Variants in AASDHPPT observed in about 807,000 individuals in gnomAD.
AASDHPPT encodes L-aminoadipate-semialdehyde dehydrogenase-phosphopantetheinyl transferase.
AASDHPPT carries 23 observed loss-of-function variants against 36.4 expected under a neutral mutation model. The observed-to-expected ratio is 0.63, with a 90% CI of 0.45 to 0.89. The LOEUF (loss-of-function observed/expected upper bound fraction) is 0.89. Ranked by LOEUF, AASDHPPT falls within the 40% of genes least tolerant of loss-of-function variation. The pLI, the probability that AASDHPPT is intolerant of heterozygous loss-of-function variation, is 0.00. For synonymous variants in AASDHPPT, 115 were observed against 128.0 expected (o/e 0.90, Z 0.68); for missense variants, 377 against 378.2 (o/e 1.00, Z 0.03).
intron 2 of AASDHPPT, chr11:106,086,136 T>C (rs1295394597): frequency 6.6e-6 from 1 of 152,264 alleles, no homozygotes; most frequent in Non-Finnish European, 1.5e-5. Flanking sequence ...CTTAACAAAG[T>C]ACCTCAAACA....
At chr11:106,090,827 T>C (rs2135043081) in intron 3 of AASDHPPT, 149 bp downstream of exon 3, 2 of 1,093,124 alleles carry the variant, frequency 1.8e-6, no homozygotes, top group Non-Finnish European at 2.5e-6. Flanking sequence ...TTTATGCATA[T>C]GGTATTACAT....
At chr11:106,079,282 G>A (rs560351383) in intron 1 of AASDHPPT, among the ~76,000 whole-genome samples, 185 bp from the exon 2 acceptor site, 2 of 152,062 alleles carry the variant, frequency 1.3e-5, no homozygotes, top group East Asian at 3.9e-4. Context: ...TTGCTAAGGC[G>A]GGCTTTAACT....
In AASDHPPT at chr11:106,091,393, T is replaced by G. The variant is rs1161683476; in HGVS notation, c.609T>G (p.Ser203=). The G allele has an allele frequency of 6.2e-7, 1 of 1,610,110 alleles. No homozygotes were observed. Among genetic ancestry groups the G allele is most frequent in the East Asian group, 2.2e-5 (1 of 44,534 alleles). Residue 203 remains serine, a synonymous_variant, in exon 4 of 6, where the codon TCT becomes TCG. Transcript: ENST00000278618. ...TGCAGCGGCTTGAATTTGATCTATC[T>G]CCATTAAACTTGGATATAGGCCAAG... The part of the protein sequence containing the change: ...FELQRLEFDL[S]PLNLDIGQVY...
Position 106,098,416 on chromosome 11 carries a change from T to TA in AASDHPPT, c.*1511dup, listed in dbSNP as rs1861341875. ...AGTGCATGTCTTGGAGTTAAACTCT[T>TA]AAGTATCAAGAAGTAAAATAATTTC... On this transcript the variant is annotated 3_prime_UTR_variant, in exon 6 of 6. Transcript: ENST00000278618. 6.6e-6 allele frequency: 1 copy of TA among 152,122 alleles called. No individual in the cohort carries two copies. The highest frequency in any genetic ancestry group is 2.1e-4 in the South Asian group (1 of 4,834). 9.4% of individuals were successfully genotyped at this position (152,122 alleles called of 1,614,324 possible).
intron 4 of AASDHPPT, 136 bp from the exon 5 acceptor site, chr11:106,094,447 T>C (rs948923351): frequency 1.1e-5 from 6 of 544,506 alleles, no homozygotes. Flanking sequence ...GGGAAATATA[T>C]ATATGCACGC....
intron 2 of AASDHPPT, among the ~76,000 whole-genome samples, chr11:106,081,954 A>G (rs543610876): frequency 6.6e-6 from 1 of 152,108 alleles, no homozygotes; most frequent in Non-Finnish European, 1.5e-5. Flanking sequence ...ACATGTATAC[A>G]TATGTAACTA....
At position 106,097,134 on chromosome 11, in the gene AASDHPPT, C is replaced by A; in HGVS notation, c.*227C>A. ...TGCATTGAATTGATAGGAAGGATGG[C>A]GGAATCTTAAAGTGATACATGCTAA... On this transcript the variant is annotated 3_prime_UTR_variant, in exon 6 of 6. Transcript: ENST00000278618. 2.5e-6 allele frequency: 1 copy of A among 393,258 alleles called. No homozygotes were observed. The highest frequency in any genetic ancestry group is 4.9e-5 in the South Asian group (1 of 20,304). 24.4% of individuals were successfully genotyped at this position (393,258 alleles called of 1,614,324 possible).
At chr11:106,096,395 A>G (rs1423057502) in intron 5 of AASDHPPT, among the ~76,000 whole-genome samples, 1 of 152,204 alleles carries the variant, frequency 6.6e-6, no homozygotes, top group African/African-American at 2.4e-5. Context: ...ACTCACCTCT[A>G]TCAAAATAAC....
At chr11:106,078,475 A>G (rs560217194) in intron 1 of AASDHPPT, among the ~76,000 whole-genome samples, 1 of 152,350 alleles carries the variant, frequency 6.6e-6, no homozygotes, top group South Asian at 2.1e-4. Context: ...TATTTTAGCT[A>G]TGTATTTTGA....
At chr11:106,094,537 G>T in intron 4 of AASDHPPT, 46 bp from the exon 5 acceptor site, 3 of 1,386,784 alleles carry the variant, frequency 2.2e-6, no homozygotes, top group Non-Finnish European at 3.0e-6. Context: ...TTACATCTAG[G>T]TTTACATATT....
intron 4 of AASDHPPT, chr11:106,092,796 T>G (rs928507203): frequency 6.6e-6 from 1 of 152,188 alleles, no homozygotes; most frequent in Non-Finnish European, 1.5e-5. Flanking sequence ...ATAAATTACA[T>G]GAGCTATTCA....
chr11:106,094,062 A>T (rs887357557), intron 4 of AASDHPPT: 8 of 152,440 alleles, frequency 5.2e-5, no homozygotes, highest in African/African-American at 1.7e-4. Context: ...CACTCATTAA[A>T]TATCAAACAA....
rs745563448 is a variant in AASDHPPT at position 106,079,721 on chromosome 11, T to C, written c.409+29T>C. 1.1e-5 allele frequency: 18 copies of C among 1,578,552 alleles called. No individual in the cohort carries two copies. The African/African-American group carries it at 1.8e-4, about 15-fold the overall frequency. The stretch of plus-strand genomic sequence containing the variant: ...ACGTTGCATTTTTCTAGTATGGCAG[T>C]TAAGTGTCTCGATGCCTCAGTTCTA... On this transcript the variant is annotated intron_variant, in intron 2 of 5. Transcript: ENST00000278618.
intron 5 of AASDHPPT, among the ~76,000 whole-genome samples, chr11:106,095,306 C>T (rs1234463180): frequency 2.0e-5 from 3 of 152,154 alleles, no homozygotes; most frequent in South Asian, 2.1e-4. Context: ...AAGAGTACCA[C>T]GTTGAAGGTT....
intron 5 of AASDHPPT, among the ~76,000 whole-genome samples, chr11:106,094,933 C>A (rs1004542431): frequency 6.6e-6 from 1 of 152,068 alleles, no homozygotes. Flanking sequence ...CCAGACCAGC[C>A]TGACCAACAT....
At position 106,097,572 on chromosome 11, in the gene AASDHPPT, G is replaced by C. The variant is rs1046546156; in HGVS notation, c.*665G>C. 6.6e-6 allele frequency: 1 copy of C among 152,060 alleles called. No individual in the cohort carries two copies. The highest frequency in any genetic ancestry group is 1.5e-5 in the Non-Finnish European group (1 of 67,992). The allele number at this position is 152,060 out of a possible 1,614,324, so 9.4% of individuals were successfully genotyped here. ...ACCTCAGTTGGTTTGTTTTGCCTTAGGCTATTCCACCTCTCGATCACAAGA... is the reference window on the plus strand; with the variant it reads ...ACCTCAGTTGGTTTGTTTTGCCTTACGCTATTCCACCTCTCGATCACAAGA... On this transcript the variant is annotated 3_prime_UTR_variant, in exon 6 of 6. Transcript: ENST00000278618.
intron 2 of AASDHPPT, among the ~76,000 whole-genome samples, chr11:106,088,469 T>G (rs1352200639): frequency 6.6e-6 from 1 of 152,128 alleles, no homozygotes; most frequent in Non-Finnish European, 1.5e-5. Flanking sequence ...AAAAATAGTT[T>G]ATTCCTCCCA....
chr11:106,077,880 C>G lies in AASDHPPT; in HGVS notation c.170C>G (p.Ala57Gly). Residue 57 changes from alanine (A) to glycine (G), a missense_variant, in exon 1 of 6, where the codon GCT becomes GGT. Coordinates refer to ENST00000278618, the MANE Select transcript of AASDHPPT (RefSeq NM_015423.3). ...GGCCAGTTCGTCTTTGCCCGGGACG[C>G]TAAGGCAGCCATGGTACTACAGGTC... ...RIGQFVFARD[A>G]KAAMAGRLMI... is the part of the protein sequence containing the mutation. 1 of 1,614,140 alleles carries G rather than the reference C, an allele frequency of 6.2e-7. No homozygotes were observed. Among genetic ancestry groups the G allele is most frequent in the African/African-American group, 1.3e-5 (1 of 75,062 alleles).
intron 2 of AASDHPPT, chr11:106,085,939 G>A (rs1861192806): frequency 6.6e-6 from 1 of 152,162 alleles, no homozygotes; most frequent in African/African-American, 2.4e-5. Context: ...AAAGCTTTGA[G>A]TTTTATAGCA....
Sources: gnomAD v4.1 joint callset for allele counts (sites outside exome capture counted in the v4.1 genomes callset) on GRCh38, gnomAD v4.1.1 for gene constraint, MANE v1.5 for transcripts, NCBI Gene and HGNC (gene_info 2026-07-23, HGNC 2026-07-21) for gene names.